Variants in ARMC2 observed in about 807,000 individuals in gnomAD.
ARMC2 encodes armadillo repeat-containing protein 2.
A neutral mutation model predicts 90.3 loss-of-function variants in ARMC2; 67 were observed. That is an observed-to-expected ratio of 0.74 (90% confidence interval 0.61 to 0.91). The LOEUF is 0.91. ARMC2 is among the 40% of genes least tolerant of loss of function. The pLI is 0.00. For missense variants in ARMC2, 920 were observed against 1,030.9 expected (o/e 0.89, Z 1.47); for synonymous variants, 393 against 393.0 (o/e 1.00, Z 0.00).
chr6:109,027,527 A>G, the ARMC2 span, among the ~76,000 whole-genome samples: 1 of 150,724 alleles, frequency 6.6e-6, no homozygotes, highest in African/African-American at 2.4e-5. Context: ...AATGCTCAGC[A>G]TTGTCAATTT....
intron 11 of ARMC2, among the ~76,000 whole-genome samples, chr6:108,932,568 G>A (rs1290568067): frequency 3.5e-5 from 4 of 113,776 alleles, no homozygotes; most frequent in African/African-American, 7.1e-5. Flanking sequence ...TTGCTCTGTC[G>A]CCCAGGCTGG....
intron 16 of ARMC2, 52 bp downstream of exon 16, chr6:108,964,364 T>A: frequency 6.3e-7 from 1 of 1,584,390 alleles, no homozygotes; most frequent in South Asian, 1.2e-5. Flanking sequence ...AAGGACATCA[T>A]TTTCTTGGGA....
the ARMC2 span, chr6:108,988,398 A>AGGGGT: frequency 1.6e-6 from 1 of 620,472 alleles, no homozygotes; most frequent in South Asian, 2.7e-5. Flanking sequence ...TCCCTTCTGA[A>AGGGGT]GGGGTACCTG....
intron 12 of ARMC2, among the ~76,000 whole-genome samples, chr6:108,949,681 C>T (rs1777043144): frequency 6.6e-6 from 1 of 152,226 alleles, no homozygotes; most frequent in Admixed American, 6.5e-5. Context: ...GCTACCAACT[C>T]AGAGCCCAGG....
At chr6:108,864,697 C>G (rs535262653) in intron 3 of ARMC2, among the ~76,000 whole-genome samples, 2 of 152,294 alleles carry the variant, frequency 1.3e-5, no homozygotes, top group East Asian at 3.9e-4. Context: ...TTCCAGTTGT[C>G]ACATAGGATC....
chr6:108,942,073 C>T (rs1776482888), intron 12 of ARMC2, among the ~76,000 whole-genome samples: 1 of 152,102 alleles, frequency 6.6e-6, no homozygotes, highest in Non-Finnish European at 1.5e-5. Flanking sequence ...TAGTGGTTCT[C>T]CAAATGGTTA....
At chr6:109,016,541 G>T in the ARMC2 span, among the ~76,000 whole-genome samples, 2 of 152,140 alleles carry the variant, frequency 1.3e-5, no homozygotes, top group Admixed American at 1.3e-4. Context: ...GAGACTACTT[G>T]TAGGTTATTA....
intron 7 of ARMC2, among the ~76,000 whole-genome samples, chr6:108,900,073 G>A (rs1371231961): frequency 6.6e-6 from 1 of 152,102 alleles, no homozygotes; most frequent in Non-Finnish European, 1.5e-5. Flanking sequence ...CATTTCCTCT[G>A]TCCAAGGAAA....
the ARMC2 span, among the ~76,000 whole-genome samples, chr6:109,030,319 C>G: frequency 1.3e-5 from 2 of 152,172 alleles, no homozygotes; most frequent in African/African-American, 4.8e-5. Flanking sequence ...TTTCTTAGGA[C>G]TGTGAATGCC....
At chr6:108,938,599 C>CTTTTTTTTTTTTT (rs4027582) in intron 12 of ARMC2, among the ~76,000 whole-genome samples, 4 of 83,102 alleles carry the variant, frequency 4.8e-5, no homozygotes, top group Admixed American at 1.7e-4. Context: ...CCATTACTAC[C>CTTTTTTTTTTTTT]TTTTTTTTTT....
Position 108,953,293 on chromosome 6 carries a change from C to T in ARMC2, c.1857C>T (p.Gly619=), listed in dbSNP as rs768310508. Residue 619 remains glycine (G), a synonymous_variant, in exon 13 of 18, where the codon GGC becomes GGT. Transcript: ENST00000392644. ...TGGCCAACATTGCCATCCACCCGGGCGTGGGCCCGGTGCTGGCCGCCAACC... is the reference window on the plus strand; with the variant it reads ...TGGCCAACATTGCCATCCACCCGGGTGTGGGCCCGGTGCTGGCCGCCAACC... The part of the protein sequence containing the change: ...RVLANIAIHP[G]VGPVLAANPG... 22 of 1,611,484 alleles carry T rather than the reference C, an allele frequency of 1.4e-5. No individual in the cohort carries two copies. Among genetic ancestry groups the T allele is most frequent in the Middle Eastern group, 1.6e-4 (1 of 6,080 alleles).
intron 5 of ARMC2, among the ~76,000 whole-genome samples, chr6:108,888,690 A>G (rs375019155): frequency 1.3e-5 from 2 of 152,106 alleles, no homozygotes; most frequent in African/African-American, 4.8e-5. Flanking sequence ...CTTCAGCTCT[A>G]TGGCTGTGTG....
chr6:109,051,580 A>G, the ARMC2 span, among the ~76,000 whole-genome samples: 16 of 152,236 alleles, frequency 1.1e-4, no homozygotes, highest in African/African-American at 3.9e-4. Context: ...GTAGAATTAC[A>G]AAGAGTTTAG....
chr6:109,024,603 T>G, the ARMC2 span, among the ~76,000 whole-genome samples: 33 of 152,326 alleles, frequency 2.2e-4, no homozygotes, highest in Non-Finnish European at 4.9e-4. Flanking sequence ...GTTGAAAATA[T>G]CATAAGTAAA....
the ARMC2 span, among the ~76,000 whole-genome samples, chr6:109,047,013 C>G: frequency 8.9e-4 from 41 of 46,054 alleles, no homozygotes; most frequent in South Asian, 2.5e-3. Flanking sequence ...GCCCCCTGCC[C>G]GGCCAGCCGC....
At chr6:109,024,701 T>C in the ARMC2 span, among the ~76,000 whole-genome samples, 3 of 152,240 alleles carry the variant, frequency 2.0e-5, no homozygotes, top group Non-Finnish European at 4.4e-5. Flanking sequence ...TAGCCTACAG[T>C]TGGGCAAAAT....
intron 5 of ARMC2, among the ~76,000 whole-genome samples, chr6:108,886,876 T>A (rs1431540453): frequency 3.8e-5 from 5 of 130,142 alleles, no homozygotes; most frequent in African/African-American, 1.2e-4. Context: ...AAAGTCTGAA[T>A]TTTATAGTTT....
At chr6:108,918,937 TAAG>T (rs1774268552) in intron 10 of ARMC2, among the ~76,000 whole-genome samples, 1 of 152,188 alleles carries the variant, frequency 6.6e-6, no homozygotes, top group South Asian at 2.1e-4. Flanking sequence ...CACAAGAAAT[TAAG>T]AAGACAGAGT....
chr6:108,861,262 T>G (rs1444371796), intron 3 of ARMC2, among the ~76,000 whole-genome samples: 6 of 152,210 alleles, frequency 3.9e-5, no homozygotes, highest in Admixed American at 3.3e-4. Flanking sequence ...TACTCTGTGT[T>G]TGTGTGTATG....
Sources: gnomAD v4.1 joint callset for allele counts (sites outside exome capture counted in the v4.1 genomes callset) on GRCh38, gnomAD v4.1.1 for gene constraint, MANE v1.5 for transcripts, NCBI Gene and HGNC (gene_info 2026-07-23, HGNC 2026-07-21) for gene names.